Variants in CAPN3 observed in about 807,000 individuals in gnomAD.
The protein encoded by CAPN3 is calpain 3.
In CAPN3, 88 loss-of-function variants were observed where a neutral mutation model predicts 114.0. The observed-to-expected ratio is 0.77, with a 90% CI of 0.65 to 0.92. The LOEUF (loss-of-function observed/expected upper bound fraction) is 0.92, where lower values mean the gene tolerates loss of function less well. CAPN3 is among the 40% of genes least tolerant of loss of function. The probability of loss-of-function intolerance (pLI) is 0.00; values close to 1 mark genes in which losing one functional copy is unlikely to be tolerated. For synonymous variants in CAPN3, 386 were observed against 382.9 expected (o/e 1.01, Z -0.09); for missense variants, 1,028 against 1,069.0 (o/e 0.96, Z 0.53).
intron 1 of CAPN3, 146 bp from the exon 2 acceptor site, chr15:42,384,337 C>G: frequency 1.5e-6 from 1 of 677,020 alleles, no homozygotes; most frequent in Admixed American, 2.0e-5. Context: ...ACTTGAACCC[C>G]GGAGGCAGAG....
At position 42,409,924 on chromosome 15, in the gene CAPN3, C is replaced by T; in HGVS notation, c.2051-7C>T. 2.5e-6 allele frequency: 4 copies of T among 1,612,590 alleles called. No individual in the cohort carries two copies. The highest frequency in any genetic ancestry group is 3.4e-6 in the Non-Finnish European group (4 of 1,179,780). On this transcript the variant is annotated splice_region_variant and splice_polypyrimidine_tract_variant and intron_variant, in intron 18 of 23. Coordinates refer to ENST00000397163, the MANE Select transcript of CAPN3 (RefSeq NM_000070.3). Reference sequence around the variant, plus strand: ...AAGCAGCTCCTCACTCTTCTCCATCCCCCCAGACAAGGACCTGAAGACACA... The same window carrying T: ...AAGCAGCTCCTCACTCTTCTCCATCTCCCCAGACAAGGACCTGAAGACACA...
chr15:42,379,465 G>A (rs534244642), intron 1 of CAPN3, among the ~76,000 whole-genome samples: 29 of 152,252 alleles, frequency 1.9e-4, no homozygotes, highest in African/African-American at 6.7e-4. Flanking sequence ...TGATAGTGTT[G>A]TTCAGGTCAA....
At chr15:42,363,636 G>A (rs754659570) in intron 1 of CAPN3, among the ~76,000 whole-genome samples, 1 of 152,206 alleles carries the variant, frequency 6.6e-6, no homozygotes, top group Non-Finnish European at 1.5e-5. Flanking sequence ...AGTCCCCATG[G>A]GGAGTCATGC....
At chr15:42,375,299 C>T (rs528742961) in intron 1 of CAPN3, among the ~76,000 whole-genome samples, 4 of 152,178 alleles carry the variant, frequency 2.6e-5, no homozygotes, top group Non-Finnish European at 5.9e-5. Context: ...CTTAATCTTT[C>T]ACCTAAGGCT....
chr15:42,390,022 G>T lies in CAPN3; in HGVS notation c.871G>T (p.Val291Leu). The change falls in exon 6 of 24, where the codon GTA (valine) becomes TTA (leucine). Residue 291 changes from valine to leucine, a missense_variant. By Grantham distance (32) the Val-to-Leu change is conservative. Transcript: ENST00000397163. The part of the protein sequence containing the change: ...LNMGELIARM[V>L]RNMDNSLLQD... ...CATGGGGGAGTTGATTGCACGGATG[G>T]TAAGGAATATGGATAACTCACTGCT... The T allele has an allele frequency of 1.2e-6, 2 of 1,614,094 alleles. No homozygotes were observed. Among genetic ancestry groups the T allele is most frequent in the Non-Finnish European group, 1.7e-6 (2 of 1,179,994 alleles).
chr15:42,384,646 T>G, intron 2 of CAPN3, 94 bp downstream of exon 2: 1 of 937,594 alleles, frequency 1.1e-6, no homozygotes, highest in South Asian at 1.3e-5. Context: ...CAATCTGTGC[T>G]TGCTTCCAGT....
intron 8 of CAPN3, 64 bp from the exon 9 acceptor site, chr15:42,396,736 T>A: frequency 1.6e-6 from 2 of 1,259,088 alleles, no homozygotes; most frequent in Non-Finnish European, 2.3e-6. Flanking sequence ...TGATACCTCC[T>A]GTCCCAACCT....
At chr15:42,411,652 T>C (rs2054242870) in intron 23 of CAPN3, 95 bp from the exon 24 acceptor site, 1 of 652,726 alleles carries the variant, frequency 1.5e-6, no homozygotes, top group Non-Finnish European at 2.8e-6. Context: ...CTGCTGGGAC[T>C]GTTCCCTTTC....
rs1301292668 is a variant in CAPN3, at chr15:42,402,136, G to T, written c.1536+1G>T. The T allele has an allele frequency of 1.9e-6, 3 of 1,613,946 alleles. No homozygotes were observed. Among genetic ancestry groups the T allele is most frequent in the Non-Finnish European group, 2.5e-6 (3 of 1,180,014 alleles). ...GTTTCTTCTCAAGGTTCCCAAAGAG[G>T]TATAGCAGCAGCAGCGGCCAGCAGT... On this transcript the variant is annotated splice_donor_variant, in intron 12 of 23. Coordinates refer to ENST00000397163, the MANE Select transcript of CAPN3 (RefSeq NM_000070.3). LOFTEE classifies it high-confidence loss of function.
intron 9 of CAPN3, among the ~76,000 whole-genome samples, chr15:42,397,706 T>G (rs996398672): frequency 1.3e-5 from 2 of 152,110 alleles, no homozygotes; most frequent in African/African-American, 4.8e-5. Flanking sequence ...GTGTTTTTAT[T>G]ACTTTATTTT....
chr15:42,404,717 C>T (rs1057264752), intron 14 of CAPN3: 11 of 1,163,040 alleles, frequency 9.5e-6, no homozygotes, highest in East Asian at 1.2e-4. Context: ...GTGGGGATGA[C>T]GTAGGCCAAT....
At chr15:42,394,975 T>G (rs1292141062) in intron 8 of CAPN3, among the ~76,000 whole-genome samples, 1 of 152,188 alleles carries the variant, frequency 6.6e-6, no homozygotes, top group Non-Finnish European at 1.5e-5. Context: ...AATTCATTAC[T>G]GAATGAGCCA....
intron 14 of CAPN3, chr15:42,404,811 C>T: frequency 9.3e-7 from 1 of 1,075,516 alleles, no homozygotes; most frequent in Non-Finnish European, 1.1e-6. Context: ...TGCCAGGTCT[C>T]CAAGTGCCTT....
chr15:42,391,252 T>G (rs1443951362), intron 6 of CAPN3, among the ~76,000 whole-genome samples: 2 of 152,360 alleles, frequency 1.3e-5, no homozygotes, highest in Admixed American at 6.5e-5. Context: ...GTTTTGCTAC[T>G]ATTCTAAAAT....
intron 9 of CAPN3, among the ~76,000 whole-genome samples, chr15:42,399,214 T>C (rs1303065520): frequency 2.0e-5 from 3 of 152,226 alleles, no homozygotes. Flanking sequence ...CCATGACATA[T>C]GCTTTGTTTT....
At chr15:42,387,058 C>T (rs28364404) in intron 3 of CAPN3, among the ~76,000 whole-genome samples, 2,534 of 152,198 alleles carry the variant, frequency 0.017, 73 homozygotes, top group African/African-American at 0.059. Flanking sequence ...CCCCTCCTGC[C>T]GCCTTGGGAA....
chr15:42,396,176 G>T (rs2053682367), intron 8 of CAPN3, among the ~76,000 whole-genome samples: 1 of 151,884 alleles, frequency 6.6e-6, no homozygotes, highest in Non-Finnish European at 1.5e-5. Flanking sequence ...TAAGTGACCT[G>T]CCCAAGGTTG....
chr15:42,408,768 A>G (rs1196554962), intron 16 of CAPN3: 1 of 332,446 alleles, frequency 3.0e-6, no homozygotes, highest in Non-Finnish European at 5.9e-6. Context: ...GTGGGAGCTT[A>G]GTGGAGGTGA....
At chr15:42,379,128 A>G (rs1468421082) in intron 1 of CAPN3, among the ~76,000 whole-genome samples, 1 of 152,172 alleles carries the variant, frequency 6.6e-6, no homozygotes, top group Non-Finnish European at 1.5e-5. Context: ...CCTGACCAAC[A>G]TGATGAAACT....
Sources: gnomAD v4.1 joint callset for allele counts (sites outside exome capture counted in the v4.1 genomes callset) on GRCh38, gnomAD v4.1.1 for gene constraint, MANE v1.5 for transcripts, NCBI Gene and HGNC (gene_info 2026-07-23, HGNC 2026-07-21) for gene names.